Variants in OSCP1 observed in about 807,000 individuals in gnomAD.
OSCP1 encodes the protein organic solute carrier partner 1, also known as protein OSCP1.
Under a neutral mutation model 45.1 loss-of-function variants are expected in OSCP1, and 35 were observed. The observed-to-expected ratio is 0.78, with a 90% CI of 0.59 to 1.03. The LOEUF (loss-of-function observed/expected upper bound fraction) is 1.03. Among genes scored for constraint, OSCP1 ranks in the 50% least tolerant of loss-of-function variants. The pLI is 0.00. For synonymous variants in OSCP1, 179 were observed against 180.1 expected, an observed-to-expected ratio of 0.99 and a Z score of 0.05; for missense variants, 400 against 470.7, an observed-to-expected ratio of 0.85 and a Z score of 1.39.
rs1301130053 is a variant in OSCP1, at chr1:36,434,924, T to A, written c.268-2335A>T. On this transcript the variant is annotated intron_variant, in intron 2 of 9. Transcript: ENST00000235532. ...AGGAAACCATGCTAGAAATAAAGAA[T>A]AAAAACAGGTATAAGATGAAGGAAT... 2.0e-5 allele frequency among the ~76,000 whole-genome samples: 3 copies of A among 151,834 alleles called. No homozygotes were observed. The South Asian group carries it at 6.2e-4, about 32-fold the overall frequency.
At chr1:36,428,202 AAAAAAAAAG>A in intron 4 of OSCP1, 1 of 1,335,376 alleles carries the variant, frequency 7.5e-7, no homozygotes. Flanking sequence ...AAAAAAAAAA[AAAAAAAAAG>A]AAAGAAAAAT....
chr1:36,425,394 T>C (rs1647902515), intron 4 of OSCP1, among the ~76,000 whole-genome samples: 1 of 152,066 alleles, frequency 6.6e-6, no homozygotes, highest in South Asian at 2.1e-4. Context: ...GTAATAATAA[T>C]AGATAACTCG....
At chr1:36,450,225 C>T in intron 1 of OSCP1, 33 bp downstream of exon 1, 3 of 1,560,186 alleles carry the variant, frequency 1.9e-6, no homozygotes, top group East Asian at 2.3e-5. Context: ...CTGCTGGCTG[C>T]GGGTCTGGCT....
chr1:36,431,749 G>A (rs1029836944), intron 4 of OSCP1, 53 bp downstream of exon 4: 1 of 1,551,220 alleles, frequency 6.4e-7, no homozygotes, highest in African/African-American at 1.4e-5. Flanking sequence ...TACCAGGGTT[G>A]TTTCCCTGGT....
In OSCP1 at chr1:36,447,370, C is replaced by T. The variant is rs1272774769; in HGVS notation, c.112+2888G>A. Reference sequence around the variant, plus strand: ...TATTGGATATATATTTTTCAGACTCCTCCCTCTCCTCCTGACCTACCAACC... The same window carrying T: ...TATTGGATATATATTTTTCAGACTCTTCCCTCTCCTCCTGACCTACCAACC... On this transcript the variant is annotated intron_variant, in intron 1 of 9. Transcript: ENST00000235532. This position sits in a 1 kb window ranked among gnomAD's most constrained non-coding sequence, Gnocchi z 4.1. 6.6e-6 allele frequency among the ~76,000 whole-genome samples: 1 copy of T among 152,166 alleles called. No individual in the cohort carries two copies. The highest frequency in any genetic ancestry group is 1.5e-5 in the Non-Finnish European group (1 of 68,034).
At chr1:36,420,926 A>G (rs1225716910) in intron 7 of OSCP1, among the ~76,000 whole-genome samples, 2 of 151,896 alleles carry the variant, frequency 1.3e-5, no homozygotes, top group Admixed American at 6.6e-5. Context: ...TTTCCTGTCA[A>G]TCGGTTTCCC....
intron 1 of OSCP1, among the ~76,000 whole-genome samples, chr1:36,446,650 G>T (rs773381570): frequency 6.6e-6 from 1 of 152,144 alleles, no homozygotes; most frequent in Non-Finnish European, 1.5e-5. Context: ...TGTTTTGAGT[G>T]GGGGCAGGCC....
chr1:36,439,760 C>G (rs535494438), intron 1 of OSCP1, among the ~76,000 whole-genome samples: 4 of 152,294 alleles, frequency 2.6e-5, no homozygotes, highest in African/African-American at 9.6e-5. Flanking sequence ...CTTGATACTA[C>G]AGTGTAGTGC....
chr1:36,428,056 G>A (rs554436720), intron 4 of OSCP1, among the ~76,000 whole-genome samples: 7 of 151,976 alleles, frequency 4.6e-5, no homozygotes, highest in East Asian at 1.9e-4. Flanking sequence ...TGGATGTGGC[G>A]GTGTGCACCT....
intron 4 of OSCP1, chr1:36,428,512 T>C (rs1286478051): frequency 6.1e-5 from 96 of 1,569,892 alleles, no homozygotes; most frequent in Non-Finnish European, 8.2e-5. Flanking sequence ...ATGTTACATA[T>C]GCTGTTTCAG....
rs749734102 is a variant in OSCP1 at position 36,431,803 on chromosome 1, C to T, written c.515G>A (p.Arg172Gln). The change falls in exon 4 of 10, where the codon CGA becomes CAA. Residue 172 changes from arginine to glutamine, a missense_variant and splice_region_variant. Transcript: ENST00000235532. ...TCCCAGGGCTGCCTATTGACTTACT[C>T]GGATGTGCAGGTCTTGGAAGAAGAT... Reference protein sequence around the residue: ...LLIFFQDLHIRVSMFLKDKVQ... With the variant: ...LLIFFQDLHIQVSMFLKDKVQ... 9.9e-6 allele frequency: 16 copies of T among 1,613,232 alleles called. No individual in the cohort carries two copies. Among genetic ancestry groups the T allele is most frequent in the East Asian group, 2.2e-5 (1 of 44,876 alleles).
At chr1:36,422,282 C>A in intron 6 of OSCP1, 63 bp from the exon 7 acceptor site, 1 of 1,435,940 alleles carries the variant, frequency 7.0e-7, no homozygotes, top group South Asian at 1.1e-5. Flanking sequence ...CTCTCTAACT[C>A]GTAAGCATAG....
intron 2 of OSCP1, among the ~76,000 whole-genome samples, chr1:36,436,427 G>A (rs1648746894): frequency 6.6e-6 from 1 of 152,072 alleles, no homozygotes; most frequent in Non-Finnish European, 1.5e-5. Context: ...TTTTTTTAGA[G>A]ACAGGGTCTT....
chr1:36,423,554 G>A, intron 4 of OSCP1, 88 bp from the exon 5 acceptor site: 1 of 1,038,298 alleles, frequency 9.6e-7, no homozygotes, highest in East Asian at 2.5e-5. Context: ...TAATGGTTTG[G>A]GAACATGACC....
rs1379346806 is a variant in OSCP1 at position 36,447,803 on chromosome 1, A to G, written c.112+2455T>C. The G allele has an allele frequency of 5.0e-6, 2 of 402,778 alleles. No homozygotes were observed. Among genetic ancestry groups the G allele is most frequent in the Admixed American group, 2.8e-5 (1 of 35,304 alleles). The allele number at this position is 402,778 out of a possible 1,614,324, so 25.0% of individuals were successfully genotyped here. On this transcript the variant is annotated intron_variant, in intron 1 of 9. Transcript: ENST00000235532. The surrounding 1 kb of genome is among the most constrained non-coding windows in gnomAD (Gnocchi z 4.1). Reference sequence around the variant, plus strand: ...ATCAGTTACTGGAGTGGACTGATCAATAGCCCTACCTCCAGTGAATGTCCA... The same window carrying G: ...ATCAGTTACTGGAGTGGACTGATCAGTAGCCCTACCTCCAGTGAATGTCCA...
intron 4 of OSCP1, 39 bp from the exon 5 acceptor site, chr1:36,423,505 AT>A: frequency 6.7e-7 from 1 of 1,484,128 alleles, no homozygotes; most frequent in East Asian, 2.3e-5. Flanking sequence ...TTCTTGGTAT[AT>A]TTTCATAGAC....
At chr1:36,429,748 T>C (rs1485219680) in intron 4 of OSCP1, among the ~76,000 whole-genome samples, 2 of 151,408 alleles carry the variant, frequency 1.3e-5, no homozygotes, top group African/African-American at 4.8e-5. Flanking sequence ...TTTTATTTTA[T>C]TTTTATTTAT....
chr1:36,444,708 A>G (rs534800759), intron 1 of OSCP1, among the ~76,000 whole-genome samples: 1 of 152,350 alleles, frequency 6.6e-6, no homozygotes, highest in East Asian at 1.9e-4. Flanking sequence ...CCAAATAAGG[A>G]AAAATGCAGT....
At position 36,419,010 on chromosome 1, in the gene OSCP1, A is replaced by C; in HGVS notation, c.1004T>G (p.Ile335Ser). 6.2e-7 allele frequency: 1 copy of C among 1,611,402 alleles called. No homozygotes were observed. The highest frequency in any genetic ancestry group is 2.2e-5 in the East Asian group (1 of 44,862). ...ACGTACCTGGGTGGCTTGTATGTTG[A>C]TAACTTCATAGGATAACTCTTCTGG... ...TRPEELSYEV[I>S]NIQATQDQQR... The change falls in exon 9 of 10, where the codon ATC (isoleucine) becomes AGC (serine). Residue 335 changes from isoleucine (I) to serine (S), a missense_variant. Physicochemically the swap from Ile to Ser is moderately radical, Grantham distance 142. Coordinates refer to ENST00000235532, the MANE Select transcript of OSCP1 (RefSeq NM_145047.5).
Sources: allele counts gnomAD v4.1 joint callset (sites outside exome capture counted in the v4.1 genomes callset), GRCh38; gene constraint gnomAD v4.1.1; non-coding constraint Gnocchi (gnomAD v3.1); transcripts MANE v1.5; gene names NCBI Gene and HGNC (gene_info 2026-07-23, HGNC 2026-07-21).